Variants in PCDHGB4 observed in about 807,000 individuals in gnomAD.
The protein encoded by PCDHGB4 is protocadherin gamma subfamily B, 4.
Under a neutral mutation model 60.5 loss-of-function variants are expected in PCDHGB4, and 38 were observed. The observed-to-expected ratio is 0.63, with a 90% CI of 0.48 to 0.82. The LOEUF (loss-of-function observed/expected upper bound fraction) is 0.82, where lower values mean the gene tolerates loss of function less well. PCDHGB4 is among the 40% of genes least tolerant of loss of function. The pLI is 0.00. For missense variants in PCDHGB4, 1,109 were observed against 1,209.6 expected (o/e 0.92, Z 1.23); for synonymous variants, 456 against 509.7 (o/e 0.89, Z 1.42).
Position 141,489,216 on chromosome 5 carries a change from C to G in PCDHGB4, c.2398-5591C>G. The G allele has an allele frequency of 6.7e-7, 1 of 1,486,698 alleles. No individual in the cohort carries two copies. Among genetic ancestry groups the G allele is most frequent in the Non-Finnish European group, 9.1e-7 (1 of 1,103,260 alleles). 92.1% of individuals were successfully genotyped at this position (1,486,698 alleles called of 1,614,324 possible). ...TTGGAGACAGGACAGCACAGACTTA[C>G]TCTCCACAAAGGGACTTCTGGGTCA... On this transcript the variant is annotated intron_variant, in intron 1 of 3. Transcript: ENST00000519479. This position sits in a 1 kb window ranked among gnomAD's most constrained non-coding sequence, Gnocchi z 4.5.
intron 1 of PCDHGB4, chr5:141,399,969 C>T (rs1371912218): frequency 1.2e-6 from 2 of 1,612,194 alleles, no homozygotes; most frequent in South Asian, 2.2e-5. Context: ...GGCTCTTCAG[C>T]CTGGGGCTGC....
intron 1 of PCDHGB4, chr5:141,415,512 T>G (rs997659180): frequency 3.1e-6 from 5 of 1,614,234 alleles, no homozygotes; most frequent in Non-Finnish European, 4.2e-6. Context: ...AGCCCAATTA[T>G]GCGGACACGC....
intron 1 of PCDHGB4, chr5:141,427,032 A>G (rs1227315080): frequency 2.2e-6 from 1 of 457,206 alleles, no homozygotes; most frequent in East Asian, 6.9e-5. Flanking sequence ...AGTCAGCCTT[A>G]GAGAGAATGT....
At chr5:141,426,427 G>A in intron 1 of PCDHGB4, 2 of 293,710 alleles carry the variant, frequency 6.8e-6, no homozygotes, top group Non-Finnish European at 1.3e-5. Context: ...CTCCGTGGTG[G>A]GGAACCTTGC....
rs2099745591 is a variant in PCDHGB4, at chr5:141,492,999, T to C, written c.2398-1808T>C. Among the ~76,000 whole-genome samples, 3 of 152,350 alleles carry C rather than the reference T, an allele frequency of 2.0e-5. No homozygotes were observed. In the South Asian group the frequency reaches 6.2e-4, roughly 32 times the overall value. ...CTGTCTCCTCTGGCAGATGGAAAGCTATAGGCTCTGCCAGATGCCAGGGTG... is the reference window on the plus strand; with the variant it reads ...CTGTCTCCTCTGGCAGATGGAAAGCCATAGGCTCTGCCAGATGCCAGGGTG... On this transcript the variant is annotated intron_variant, in intron 1 of 3. Coordinates refer to ENST00000519479, the MANE Select transcript of PCDHGB4 (RefSeq NM_003736.4).
intron 1 of PCDHGB4, chr5:141,403,596 C>T: frequency 6.2e-7 from 1 of 1,613,768 alleles, no homozygotes; most frequent in Non-Finnish European, 8.5e-7. Context: ...CTCACGGCCT[C>T]GGATGGCGGC....
intron 1 of PCDHGB4, among the ~76,000 whole-genome samples, chr5:141,456,483 CTTAATA>C (rs2098861684): frequency 1.3e-5 from 2 of 152,072 alleles, no homozygotes; most frequent in African/African-American, 4.8e-5. Context: ...CAAGAGAGTG[CTTAATA>C]AAGGGGTTAA....
chr5:141,469,499 C>T lies in PCDHGB4; in HGVS notation c.2398-25308C>T, dbSNP rs1023274165. Among the ~76,000 whole-genome samples, 22 of 152,128 alleles carry T rather than the reference C, an allele frequency of 1.4e-4. 1 individual carries two copies. The highest frequency in any genetic ancestry group is 3.9e-4 in the African/African-American group (16 of 41,510). On this transcript the variant is annotated intron_variant, in intron 1 of 3. Coordinates refer to ENST00000519479, the MANE Select transcript of PCDHGB4 (RefSeq NM_003736.4). ...CTGAGGCAGGAGAATCGCTTGAACC[C>T]GGGAGGTGGAGGTTGCAGTGAGCCA...
intron 1 of PCDHGB4, chr5:141,408,218 G>A: frequency 6.4e-7 from 1 of 1,557,454 alleles, no homozygotes; most frequent in South Asian, 1.2e-5. Context: ...AGGGAGCTGC[G>A]CGCAGAGGCG....
intron 1 of PCDHGB4, chr5:141,419,043 ATTC>A (rs560207463): frequency 6.2e-5 from 100 of 1,613,840 alleles, no homozygotes; most frequent in Non-Finnish European, 8.1e-5. Context: ...TTTAAGATTC[ATTC>A]TTCTTCTAAT....
At chr5:141,400,392 A>C (rs2094014497) in intron 1 of PCDHGB4, 1 of 1,613,942 alleles carries the variant, frequency 6.2e-7, no homozygotes, top group Admixed American at 1.7e-5. Context: ...TTGCACATAC[A>C]GGAAAGACGG....
intron 1 of PCDHGB4, chr5:141,413,943 T>A: frequency 1.2e-6 from 2 of 1,613,420 alleles, no homozygotes; most frequent in Non-Finnish European, 1.7e-6. Context: ...TGAGTGTTCC[T>A]GAGAATTTGC....
At chr5:141,458,989 T>C (rs1341538997) in intron 1 of PCDHGB4, among the ~76,000 whole-genome samples, 1 of 152,134 alleles carries the variant, frequency 6.6e-6, no homozygotes, top group Non-Finnish European at 1.5e-5. Flanking sequence ...TGCCTCACCC[T>C]CCCAAAGTGC....
chr5:141,503,781 G>A (rs1393561411), intron 2 of PCDHGB4, among the ~76,000 whole-genome samples: 1 of 152,110 alleles, frequency 6.6e-6, no homozygotes, highest in East Asian at 1.9e-4. Flanking sequence ...TTCTTAGGCT[G>A]AGTTCATCTA....
At chr5:141,408,473 G>A (rs2095117243) in intron 1 of PCDHGB4, 5 of 1,613,952 alleles carry the variant, frequency 3.1e-6, no homozygotes, top group African/African-American at 1.3e-5. Flanking sequence ...GAACCGAATA[G>A]ACCGTGAGCA....
chr5:141,390,358 G>T, intron 1 of PCDHGB4, 77 bp downstream of exon 1: 1 of 1,540,914 alleles, frequency 6.5e-7, no homozygotes, highest in East Asian at 2.2e-5. Context: ...ATACATATTT[G>T]CAGGAAAATA....
At position 141,477,160 on chromosome 5, in the gene PCDHGB4, C is replaced by G. The variant is rs768436526; in HGVS notation, c.2398-17647C>G. 2 of 1,614,186 alleles carry G rather than the reference C, an allele frequency of 1.2e-6. No homozygotes were observed. Among genetic ancestry groups the G allele is most frequent in the Admixed American group, 1.7e-5 (1 of 60,020 alleles). On this transcript the variant is annotated intron_variant, in intron 1 of 3. Transcript: ENST00000519479. The surrounding 1 kb of genome is among the most constrained non-coding windows in gnomAD (Gnocchi z 4.9). ...TGGAGGTTGTGGATGTGAATGACAA[C>G]GCCCCGGAGATCACAGTCACCTCCG...
At chr5:141,448,926 C>T (rs528128105) in intron 1 of PCDHGB4, among the ~76,000 whole-genome samples, 5 of 152,256 alleles carry the variant, frequency 3.3e-5, no homozygotes, top group African/African-American at 9.6e-5. Context: ...GCCTGGGCGA[C>T]AGAGCAAGAC....
chr5:141,399,832 G>C (rs2093898646), intron 1 of PCDHGB4: 1 of 1,613,034 alleles, frequency 6.2e-7, no homozygotes, highest in Admixed American at 1.7e-5. Context: ...CGACGGCTCT[G>C]CGCTCTTCGA....
Sources: gnomAD v4.1 joint callset for allele counts (sites outside exome capture counted in the v4.1 genomes callset) on GRCh38, gnomAD v4.1.1 for gene constraint, Gnocchi (gnomAD v3.1) non-coding constraint, MANE v1.5 for transcripts, NCBI Gene and HGNC (gene_info 2026-07-23, HGNC 2026-07-21) for gene names.